Variants in ELMO1 observed in about 807,000 individuals in gnomAD.
The protein encoded by ELMO1 is engulfment and cell motility protein 1.
A neutral mutation model predicts 98.9 loss-of-function variants in ELMO1; 26 were observed. The ratio of observed to expected loss-of-function variants is 0.26; its 90% confidence interval spans 0.19 to 0.36. The LOEUF (loss-of-function observed/expected upper bound fraction) is 0.36, where lower values mean the gene tolerates loss of function less well. Ranked by LOEUF, ELMO1 falls within the 10% of genes least tolerant of loss-of-function variation. The pLI, the probability that ELMO1 is intolerant of heterozygous loss-of-function variation, is 1.00. For synonymous variants in ELMO1, 346 were observed against 346.0 expected (o/e 1.00, Z 0.00); for missense variants, 627 against 935.2 (o/e 0.67, Z 4.30).
In ELMO1 at chr7:37,211,411, C is replaced by T. The variant is rs776563605; in HGVS notation, c.1061G>A (p.Arg354Gln). Residue 354 changes from arginine (R) to glutamine (Q), a missense_variant, in exon 13 of 22, where the codon CGA (arginine) becomes CAA (glutamine). Arg to Gln is a conservative substitution (Grantham distance 43). This residue lies in a region of ELMO1 where 492 missense variants were observed against 715.6 expected (regional missense o/e 0.69). Transcript: ENST00000310758. Reference sequence around the variant, plus strand: ...AATGAACCCAAGCTTCTTATAATCTCGCGTGTACATGGACTTGCGTTTCTC... The same window carrying T: ...AATGAACCCAAGCTTCTTATAATCTTGCGTGTACATGGACTTGCGTTTCTC... ...SMEKRKSMYT[R>Q]DYKKLGFINH... 7 of 1,614,024 alleles carry T rather than the reference C, an allele frequency of 4.3e-6. No homozygotes were observed. The highest frequency in any genetic ancestry group is 2.5e-6 in the Non-Finnish European group (3 of 1,179,962).
chr7:37,072,383 A>C (rs1340630029), intron 15 of ELMO1, among the ~76,000 whole-genome samples: 1 of 152,166 alleles, frequency 6.6e-6, no homozygotes. Context: ...TTCCCTGCAC[A>C]AGCTCTCTTT....
At chr7:36,968,074 T>TTG (rs1240182755) in intron 16 of ELMO1, among the ~76,000 whole-genome samples, 10 of 152,252 alleles carry the variant, frequency 6.6e-5, no homozygotes, top group African/African-American at 2.4e-4. Flanking sequence ...CTTGTAATCC[T>TTG]TACACTGCAA....
chr7:36,882,133 T>C (rs1461902751), intron 18 of ELMO1, among the ~76,000 whole-genome samples: 1 of 152,076 alleles, frequency 6.6e-6, no homozygotes, highest in Non-Finnish European at 1.5e-5. Flanking sequence ...TTGTTTTGAG[T>C]GCAGAGCCCG....
chr7:37,401,660 T>A (rs1357876093), intron 1 of ELMO1, among the ~76,000 whole-genome samples: 1 of 151,976 alleles, frequency 6.6e-6, no homozygotes, highest in Non-Finnish European at 1.5e-5. Flanking sequence ...CAGGGGAGAA[T>A]CCCTTAAAAA....
At chr7:37,273,555 T>G (rs1463339188) in intron 4 of ELMO1, among the ~76,000 whole-genome samples, 1 of 152,248 alleles carries the variant, frequency 6.6e-6, no homozygotes, top group Non-Finnish European at 1.5e-5. Context: ...TAGTTGTTTA[T>G]AGCAGTGTAA....
intron 1 of ELMO1, among the ~76,000 whole-genome samples, chr7:37,365,303 T>C (rs1241441287): frequency 6.6e-6 from 1 of 152,194 alleles, no homozygotes; most frequent in African/African-American, 2.4e-5. Flanking sequence ...CCAGGCTGGC[T>C]GCAGGGGATC....
chr7:37,080,248 G>A (rs940271622), intron 15 of ELMO1, among the ~76,000 whole-genome samples: 1 of 152,026 alleles, frequency 6.6e-6, no homozygotes, highest in Non-Finnish European at 1.5e-5. Context: ...ATTGTAGTGG[G>A]GTATATTAAC....
intron 14 of ELMO1, among the ~76,000 whole-genome samples, chr7:37,097,982 C>A (rs1784447564): frequency 6.6e-6 from 1 of 152,206 alleles, no homozygotes; most frequent in Non-Finnish European, 1.5e-5. Flanking sequence ...AAGGGAATTA[C>A]TCTACACATA....
chr7:37,054,359 A>G (rs1796281952), intron 15 of ELMO1, among the ~76,000 whole-genome samples: 1 of 152,166 alleles, frequency 6.6e-6, no homozygotes, highest in Non-Finnish European at 1.5e-5. Context: ...CTTAGCATAC[A>G]CTAACTAACA....
chr7:36,981,645 G>C lies in ELMO1; in HGVS notation c.1437+31654C>G, dbSNP rs150869514. 6.4e-3 allele frequency among the ~76,000 whole-genome samples: 980 copies of C among 152,242 alleles called. 17 individuals carry two copies. Among genetic ancestry groups the C allele is most frequent in the African/African-American group, 0.022 (931 of 41,530 alleles). ...CCATACTGAGTTGAGAGAGGGGCCA[G>C]AGAGCACAGTAAATAGCAGGGCCAA... On this transcript the variant is annotated intron_variant, in intron 16 of 21. Coordinates refer to ENST00000310758, the MANE Select transcript of ELMO1 (RefSeq NM_014800.11).
intron 5 of ELMO1, among the ~76,000 whole-genome samples, chr7:37,265,903 A>T (rs933762870): frequency 5.9e-5 from 9 of 152,114 alleles, no homozygotes; most frequent in African/African-American, 1.9e-4. Context: ...TTGCCAGAGC[A>T]CCGGGAGGAA....
intron 2 of ELMO1, among the ~76,000 whole-genome samples, chr7:37,341,333 G>C (rs569938497): frequency 1.1e-4 from 17 of 152,282 alleles, no homozygotes; most frequent in Middle Eastern, 3.4e-3. Flanking sequence ...AGTCTGCACC[G>C]AGTATCTCCA....
At chr7:37,055,956 A>C (rs935695802) in intron 15 of ELMO1, among the ~76,000 whole-genome samples, 17 of 152,190 alleles carry the variant, frequency 1.1e-4, no homozygotes, top group African/African-American at 3.6e-4. Context: ...TTAGCATTCA[A>C]CTTAACTTTA....
chr7:36,974,291 G>GT (rs1416614927), intron 16 of ELMO1, among the ~76,000 whole-genome samples: 11 of 152,234 alleles, frequency 7.2e-5, no homozygotes, highest in Admixed American at 7.2e-4. Context: ...CTCAAGGTTT[G>GT]TGAGTGCACC....
Position 37,440,092 on chromosome 7 carries a change from A to G in ELMO1, c.-74+8583T>C, listed in dbSNP as rs1470691602. ...CTCCCCCAAACCAAAATTTCTGAGT[A>G]GTGGTCACTTCCCAGAGTGGCCCAC... On this transcript the variant is annotated intron_variant, in intron 1 of 21. Coordinates refer to ENST00000310758, the MANE Select transcript of ELMO1 (RefSeq NM_014800.11). Among the ~76,000 whole-genome samples the G allele has an allele frequency of 7.2e-5, 11 of 152,124 alleles. 1 individual carries two copies. The highest frequency in any genetic ancestry group is 5.2e-4 in the Admixed American group (8 of 15,268).
intron 15 of ELMO1, among the ~76,000 whole-genome samples, chr7:37,073,201 A>G (rs1223340260): frequency 6.6e-6 from 1 of 152,238 alleles, no homozygotes; most frequent in Non-Finnish European, 1.5e-5. Context: ...ACATCTTTTG[A>G]ACATAATGCT....
chr7:37,377,785 C>T (rs1042702869), intron 1 of ELMO1, among the ~76,000 whole-genome samples: 4 of 152,124 alleles, frequency 2.6e-5, no homozygotes, highest in African/African-American at 7.2e-5. Flanking sequence ...GTGGGAGAAG[C>T]CAGCGCCTTG....
chr7:37,271,933 A>C, intron 4 of ELMO1, 51 bp from the exon 5 acceptor site: 1 of 1,542,038 alleles, frequency 6.5e-7, no homozygotes, highest in Non-Finnish European at 9.0e-7. Context: ...AGCTTGGTAA[A>C]GAAGAGAACA....
chr7:36,965,873 C>T (rs1271528242), intron 16 of ELMO1, among the ~76,000 whole-genome samples: 1 of 152,186 alleles, frequency 6.6e-6, no homozygotes, highest in African/African-American at 2.4e-5. Flanking sequence ...TACCTCCTCA[C>T]ATAAGGATAT....
Sources: gnomAD v4.1 joint callset for allele counts (sites outside exome capture counted in the v4.1 genomes callset) on GRCh38, gnomAD v4.1.1 for gene constraint, gnomAD v4.1.1 regional missense constraint, MANE v1.5 for transcripts, NCBI Gene and HGNC (gene_info 2026-07-23, HGNC 2026-07-21) for gene names.